The following SNTG1 variants were observed in gnomAD, a reference collection of about 807,000 sequenced individuals.
SNTG1 encodes gamma-1-syntrophin.
SNTG1 carries 39 observed loss-of-function variants against 74.7 expected under a neutral mutation model. The ratio of observed to expected loss-of-function variants is 0.52; its 90% CI spans 0.40 to 0.68. The LOEUF (loss-of-function observed/expected upper bound fraction) is 0.68, where lower values mean the gene tolerates loss of function less well. Ranked by LOEUF, SNTG1 falls within the 30% of genes least tolerant of loss-of-function variation. The pLI, the probability that SNTG1 is intolerant of heterozygous loss-of-function variation, is 0.00. For synonymous variants in SNTG1, 254 were observed against 217.1 expected, an observed-to-expected ratio of 1.17 and a Z score of -1.49; for missense variants, 685 against 609.5, an observed-to-expected ratio of 1.12 and a Z score of -1.30.
Position 50,589,079 on chromosome 8 carries a change from C to T in SNTG1, c.811-1800C>T, listed in dbSNP as rs188289416. ...TGTAAAATATAATATATTCTATATT[C>T]TAAATTGCTCCCACTTTCTTGCCTT... On this transcript the variant is annotated intron_variant, in intron 12 of 18. Coordinates refer to ENST00000642720, the MANE Select transcript of SNTG1 (RefSeq NM_018967.5). 5.4e-3 allele frequency among the ~76,000 whole-genome samples: 823 copies of T among 152,084 alleles called. 5 individuals carry two copies. Among genetic ancestry groups the T allele is most frequent in the Admixed American group, 0.012 (180 of 15,266 alleles).
intron 1 of SNTG1, chr8:50,164,414 T>C (rs547716748): frequency 3.3e-5 from 5 of 152,290 alleles, no homozygotes; most frequent in African/African-American, 1.2e-4. Flanking sequence ...GCAAACCTTG[T>C]TTACTGGTAC....
At chr8:50,783,412 T>G (rs1358038504) in intron 18 of SNTG1, among the ~76,000 whole-genome samples, 1 of 152,122 alleles carries the variant, frequency 6.6e-6, no homozygotes, top group Admixed American at 6.5e-5. Context: ...CAGGCGCCCC[T>G]CCCCCAGCCT....
intron 13 of SNTG1, among the ~76,000 whole-genome samples, chr8:50,621,245 A>G (rs2094921473): frequency 6.6e-6 from 1 of 152,140 alleles, no homozygotes; most frequent in South Asian, 2.1e-4. Flanking sequence ...GACTCAGACC[A>G]TGCCTCCAGG....
At chr8:50,482,009 T>C (rs1278312036) in intron 8 of SNTG1, among the ~76,000 whole-genome samples, 2 of 152,176 alleles carry the variant, frequency 1.3e-5, no homozygotes, top group Non-Finnish European at 2.9e-5. Flanking sequence ...AGTCCCCGGT[T>C]TATGAAGTGA....
At chr8:50,115,873 C>T (rs536079097) in intron 1 of SNTG1, among the ~76,000 whole-genome samples, 48 of 151,936 alleles carry the variant, frequency 3.2e-4, no homozygotes, top group African/African-American at 1.1e-3. Context: ...TACCACCCAC[C>T]GCCCCCCAAC....
rs139270046 is a variant in SNTG1, at chr8:50,655,620, T to C, written c.850-1289T>C. 8.2e-3 allele frequency among the ~76,000 whole-genome samples: 1,255 copies of C among 152,318 alleles called. 5 individuals are homozygous for C. The highest frequency in any genetic ancestry group is 0.013 in the Non-Finnish European group (864 of 68,014). On this transcript the variant is annotated intron_variant, in intron 13 of 18. Transcript: ENST00000642720. ...AGGGACTTTATAGCTCATAGGCTTA[T>C]TGTAAGACAAACTGAGATAATGAGA...
intron 13 of SNTG1, among the ~76,000 whole-genome samples, chr8:50,645,795 G>C (rs554650189): frequency 6.6e-6 from 1 of 152,028 alleles, no homozygotes; most frequent in East Asian, 1.9e-4. Context: ...TTCTCTAGGA[G>C]GGCTCAGAAA....
intron 2 of SNTG1, among the ~76,000 whole-genome samples, chr8:50,262,714 T>C (rs2087257717): frequency 6.6e-6 from 1 of 152,066 alleles, no homozygotes; most frequent in African/African-American, 2.4e-5. Flanking sequence ...CGGCCCGAAA[T>C]CTTTTTTTTT....
intron 15 of SNTG1, among the ~76,000 whole-genome samples, chr8:50,691,117 C>T (rs2095376759): frequency 6.6e-6 from 1 of 152,140 alleles, no homozygotes; most frequent in Non-Finnish European, 1.5e-5. Flanking sequence ...CTCCCTCCAT[C>T]CCTTTATTTT....
chr8:50,104,044 C>G (rs943651060), intron 1 of SNTG1, among the ~76,000 whole-genome samples: 6 of 151,968 alleles, frequency 3.9e-5, no homozygotes, highest in African/African-American at 1.2e-4. Flanking sequence ...TGTCTCTGCC[C>G]AGCTTTGGCA....
intron 1 of SNTG1, among the ~76,000 whole-genome samples, chr8:50,052,058 G>A (rs1819622375): frequency 6.6e-6 from 1 of 151,976 alleles, no homozygotes; most frequent in African/African-American, 2.4e-5. Flanking sequence ...AGAATCAGAT[G>A]ATAAAATTCA....
At chr8:50,078,765 A>T (rs767572430) in intron 1 of SNTG1, among the ~76,000 whole-genome samples, 1 of 151,926 alleles carries the variant, frequency 6.6e-6, no homozygotes. Flanking sequence ...CCCTGTGTCC[A>T]TGTGTTCTCA....
chr8:50,740,041 C>T lies in SNTG1; in HGVS notation c.1285-11960C>T, dbSNP rs948770778. Among the ~76,000 whole-genome samples the T allele has an allele frequency of 2.2e-4, 33 of 151,930 alleles. 1 individual carries two copies. The highest frequency in any genetic ancestry group is 1.9e-3 in the Admixed American group (29 of 15,222). On this transcript the variant is annotated intron_variant, in intron 17 of 18. Transcript: ENST00000642720. ...ACTCTGGAATACAGCCTAGGCAATA[C>T]CATTCTAGACATAGGACTGGGCAAA...
At chr8:50,568,061 G>C (rs2094525915) in intron 12 of SNTG1, among the ~76,000 whole-genome samples, 1 of 151,952 alleles carries the variant, frequency 6.6e-6, no homozygotes, top group African/African-American at 2.4e-5. Flanking sequence ...CTACTTCTGT[G>C]AAAACAACTG....
At chr8:50,046,509 G>A (rs1431029316) in intron 1 of SNTG1, among the ~76,000 whole-genome samples, 2 of 152,078 alleles carry the variant, frequency 1.3e-5, no homozygotes, top group Admixed American at 6.6e-5. Context: ...TCATCAAATG[G>A]TAAGTTAATT....
chr8:50,770,018 G>A (rs1215678820), intron 18 of SNTG1, among the ~76,000 whole-genome samples: 1 of 152,040 alleles, frequency 6.6e-6, no homozygotes, highest in Non-Finnish European at 1.5e-5. Context: ...ATCACAAAGA[G>A]TACAGGTTAT....
intron 9 of SNTG1, among the ~76,000 whole-genome samples, chr8:50,510,980 C>T (rs1229634741): frequency 6.6e-6 from 1 of 152,104 alleles, no homozygotes; most frequent in Non-Finnish European, 1.5e-5. Flanking sequence ...TTTTCTCTGG[C>T]TTCTCTATTT....
chr8:50,160,452 G>A (rs1040124276), intron 1 of SNTG1, among the ~76,000 whole-genome samples: 2 of 152,088 alleles, frequency 1.3e-5, no homozygotes, highest in South Asian at 2.1e-4. Context: ...TTTCTTAAAG[G>A]GTCATATGGA....
intron 1 of SNTG1, among the ~76,000 whole-genome samples, chr8:50,140,421 G>T (rs2081617085): frequency 6.6e-6 from 1 of 152,120 alleles, no homozygotes; most frequent in Non-Finnish European, 1.5e-5. Flanking sequence ...GAAAGAGAGT[G>T]TGTATGTACG....
Sources: allele counts gnomAD v4.1 joint callset (sites outside exome capture counted in the v4.1 genomes callset), GRCh38; gene constraint gnomAD v4.1.1; transcripts MANE v1.5; gene names NCBI Gene and HGNC (gene_info 2026-07-23, HGNC 2026-07-21).